PDE1A: variants seen among roughly 807,000 people sequenced by gnomAD.
PDE1A encodes the protein dual specificity calcium/calmodulin-dependent 3',5'-cyclic nucleotide phosphodiesterase 1A.
A neutral mutation model predicts 61.7 loss-of-function variants in PDE1A; 35 were observed. The observed-to-expected ratio is 0.57, with a 90% CI of 0.43 to 0.75. The LOEUF (loss-of-function observed/expected upper bound fraction) is 0.75. Among genes scored for constraint, PDE1A ranks in the 30% least tolerant of loss-of-function variants. The pLI is 0.00. For synonymous variants in PDE1A, 232 were observed against 213.2 expected, an observed-to-expected ratio of 1.09 and a Z score of -0.77; for missense variants, 597 against 630.6, an observed-to-expected ratio of 0.95 and a Z score of 0.57.
intron 2 of PDE1A, among the ~76,000 whole-genome samples, chr2:182,437,255 G>C (rs1684489629): frequency 6.6e-6 from 1 of 151,938 alleles, no homozygotes; most frequent in African/African-American, 2.4e-5. Context: ...ATGAAGTTGT[G>C]ATATATATCC....
intron 1 of PDE1A, among the ~76,000 whole-genome samples, chr2:182,414,143 G>T (rs1702780563): frequency 6.6e-6 from 1 of 152,120 alleles, no homozygotes; most frequent in Non-Finnish European, 1.5e-5. Context: ...AAGGACAGAA[G>T]AAGTTAATGG....
the PDE1A span, among the ~76,000 whole-genome samples, chr2:182,555,758 G>A: frequency 6.6e-6 from 1 of 151,952 alleles, no homozygotes; most frequent in East Asian, 1.9e-4. Context: ...CTGAGGTCAG[G>A]AGTTGGAGAC....
intron 3 of PDE1A, among the ~76,000 whole-genome samples, chr2:182,237,752 C>A (rs1395845343): frequency 6.6e-6 from 1 of 152,102 alleles, no homozygotes; most frequent in African/African-American, 2.4e-5. Context: ...AGGGCCAGCC[C>A]GCCATGTTGA....
At chr2:182,650,364 C>T in the PDE1A span, among the ~76,000 whole-genome samples, 1 of 152,156 alleles carries the variant, frequency 6.6e-6, no homozygotes, top group African/African-American at 2.4e-5. Flanking sequence ...TGGCCCAGAG[C>T]AGAGAGCACA....
At chr2:182,219,238 G>A (rs937666569) in intron 7 of PDE1A, among the ~76,000 whole-genome samples, 2 of 152,052 alleles carry the variant, frequency 1.3e-5, no homozygotes, top group African/African-American at 4.8e-5. Context: ...TTAAAATGAT[G>A]AATACATCAA....
the PDE1A span, among the ~76,000 whole-genome samples, chr2:182,569,412 T>C: frequency 3.8e-3 from 581 of 152,260 alleles, 4 homozygotes; most frequent in Non-Finnish European, 6.2e-3. Flanking sequence ...TATATTCAGC[T>C]ATGGTCAACC....
At chr2:182,655,585 C>A in the PDE1A span, among the ~76,000 whole-genome samples, 1 of 152,150 alleles carries the variant, frequency 6.6e-6, no homozygotes, top group Non-Finnish European at 1.5e-5. Context: ...CAGATTTGAC[C>A]CTTATTTCTA....
chr2:182,606,821 G>A, the PDE1A span, among the ~76,000 whole-genome samples: 1 of 152,120 alleles, frequency 6.6e-6, no homozygotes, highest in South Asian at 2.1e-4. Context: ...GACAGCAGAG[G>A]GGAAGCTCTT....
intron 1 of PDE1A, among the ~76,000 whole-genome samples, chr2:182,404,395 C>T (rs1702188326): frequency 6.6e-6 from 1 of 152,194 alleles, no homozygotes; most frequent in Non-Finnish European, 1.5e-5. Context: ...CTGTACACTA[C>T]TGGACACTTT....
In PDE1A at chr2:182,188,963, A is replaced by C. The variant is rs372600874; in HGVS notation, c.1207+16T>G. On this transcript the variant is annotated intron_variant, in intron 11 of 13. Coordinates refer to ENST00000351439, the Ensembl canonical transcript of PDE1A. The stretch of plus-strand genomic sequence containing the variant: ...GCACACACTCACTTTCCACCACCAC[A>C]AATCATCAGAATTACCTATTTGTGA... 1.3e-4 allele frequency: 198 copies of C among 1,578,288 alleles called. No homozygotes were observed. Among genetic ancestry groups the C allele is most frequent in the Non-Finnish European group, 1.6e-4 (184 of 1,148,516 alleles).
chr2:182,548,008 C>A, the PDE1A span, among the ~76,000 whole-genome samples: 1 of 152,188 alleles, frequency 6.6e-6, no homozygotes, highest in African/African-American at 2.4e-5. Context: ...AAAATAAAAT[C>A]ACAATTTTTC....
chr2:182,501,350 G>A (rs139758397), intron 2 of PDE1A, among the ~76,000 whole-genome samples: 242 of 152,292 alleles, frequency 1.6e-3, no homozygotes, highest in Non-Finnish European at 1.8e-3. Context: ...ACCCTGTTAT[G>A]AGTTTTGATG....
At chr2:182,561,208 T>TA in the PDE1A span, among the ~76,000 whole-genome samples, 1 of 151,958 alleles carries the variant, frequency 6.6e-6, no homozygotes, top group Non-Finnish European at 1.5e-5. Flanking sequence ...TTTAAGTCTT[T>TA]ATCCATCTTG....
intron 1 of PDE1A, among the ~76,000 whole-genome samples, chr2:182,304,438 C>G (rs1008974382): frequency 2.0e-5 from 3 of 152,170 alleles, no homozygotes; most frequent in Non-Finnish European, 4.4e-5. Context: ...CTGTTAATTT[C>G]CTTCAAGAAC....
chr2:182,702,424 G>C, the PDE1A span, among the ~76,000 whole-genome samples: 1 of 152,090 alleles, frequency 6.6e-6, no homozygotes, highest in East Asian at 1.9e-4. Context: ...CTATTTATTG[G>C]CTACAAAATA....
chr2:182,621,016 G>A, the PDE1A span, among the ~76,000 whole-genome samples: 1 of 152,094 alleles, frequency 6.6e-6, no homozygotes, highest in Non-Finnish European at 1.5e-5. Flanking sequence ...AGGTTCAGCA[G>A]TTCATCTACT....
the PDE1A span, among the ~76,000 whole-genome samples, chr2:182,536,452 T>C: frequency 6.6e-5 from 10 of 152,276 alleles, no homozygotes; most frequent in Non-Finnish European, 1.2e-4. Flanking sequence ...ATAGCAGAAA[T>C]TGTTGAGTGC....
the PDE1A span, among the ~76,000 whole-genome samples, chr2:182,690,334 A>C: frequency 6.6e-6 from 1 of 152,240 alleles, no homozygotes; most frequent in Non-Finnish European, 1.5e-5. Flanking sequence ...ATCCACGATG[A>C]TCAAGTGGGC....
At chr2:182,271,817 T>C (rs1693046543) in intron 1 of PDE1A, among the ~76,000 whole-genome samples, 1 of 152,130 alleles carries the variant, frequency 6.6e-6, no homozygotes, top group African/African-American at 2.4e-5. Context: ...AATTTCTTTA[T>C]TGGTGCTCAC....
Sources: gnomAD v4.1 joint callset for allele counts (sites outside exome capture counted in the v4.1 genomes callset) on GRCh38, gnomAD v4.1.1 for gene constraint, MANE v1.5 for transcripts, NCBI Gene and HGNC (gene_info 2026-07-23, HGNC 2026-07-21) for gene names.